Variants in SPEF2 observed in about 807,000 individuals in gnomAD.
The protein encoded by SPEF2 is sperm flagellar and cilia associated 2, also known as sperm flagella and cilia-associated protein 2.
A neutral mutation model predicts 224.6 loss-of-function variants in SPEF2; 187 were observed. The ratio of observed to expected loss-of-function variants is 0.83; its 90% CI spans 0.74 to 0.94. The LOEUF (loss-of-function observed/expected upper bound fraction) is 0.94, where lower values mean the gene tolerates loss of function less well. Among genes scored for constraint, SPEF2 ranks in the 40% least tolerant of loss-of-function variants. SPEF2 has a pLI of 0.00. For synonymous variants in SPEF2, 715 were observed against 707.3 expected (o/e 1.01, Z -0.17); for missense variants, 2,170 against 2,135.6 (o/e 1.02, Z -0.32).
intron 21 of SPEF2, 134 bp downstream of exon 21, chr5:35,727,957 T>A: frequency 1.1e-6 from 1 of 880,796 alleles, no homozygotes; most frequent in Non-Finnish European, 1.7e-6. Context: ...AGATTTTTTT[T>A]AGAGACTACT....
intron 20 of SPEF2, among the ~76,000 whole-genome samples, 193 bp from the exon 21 acceptor site, chr5:35,727,482 T>C (rs1447401705): frequency 6.6e-6 from 1 of 152,158 alleles, no homozygotes; most frequent in Non-Finnish European, 1.5e-5. Flanking sequence ...CTTTAAAACA[T>C]TTACTATTAT....
chr5:35,739,158 G>A (rs1382566764), intron 21 of SPEF2, among the ~76,000 whole-genome samples: 1 of 152,016 alleles, frequency 6.6e-6, no homozygotes, highest in African/African-American at 2.4e-5. Flanking sequence ...TTCATAATAT[G>A]TATTTTTCAT....
At chr5:35,749,592 C>T (rs1749089091) in intron 23 of SPEF2, among the ~76,000 whole-genome samples, 1 of 151,878 alleles carries the variant, frequency 6.6e-6, no homozygotes, top group Non-Finnish European at 1.5e-5. Context: ...AAGAACTCAA[C>T]CCCTTTTACC....
chr5:35,697,371 C>G (rs1755486000), intron 14 of SPEF2, among the ~76,000 whole-genome samples: 2 of 152,092 alleles, frequency 1.3e-5, no homozygotes, highest in African/African-American at 4.8e-5. Context: ...GAGGGCATGC[C>G]CCTGTCTGCA....
rs764294596 is a variant in SPEF2, at chr5:35,774,068, C to T, written c.4078+47C>T. The T allele has an allele frequency of 6.9e-6, 11 of 1,591,800 alleles. No homozygotes were observed. The South Asian group carries it at 1.3e-4, about 18-fold the overall frequency. On this transcript the variant is annotated intron_variant, in intron 28 of 36. Coordinates refer to ENST00000356031, the MANE Select transcript of SPEF2 (RefSeq NM_024867.4). The stretch of plus-strand genomic sequence containing the variant: ...ATGATGCTTTTCAGTAGAAAGGAGA[C>T]CAGTAGCCAAACAGCCCACAACTGG...
chr5:35,657,014 A>G (rs982288968), intron 7 of SPEF2, among the ~76,000 whole-genome samples: 16 of 152,244 alleles, frequency 1.1e-4, no homozygotes, highest in African/African-American at 3.9e-4. Flanking sequence ...TCTTATGTGT[A>G]CAATGGCTGG....
At chr5:35,753,163 GAC>G (rs767842477) in intron 23 of SPEF2, among the ~76,000 whole-genome samples, 3 of 151,842 alleles carry the variant, frequency 2.0e-5, no homozygotes, top group Non-Finnish European at 4.4e-5. Context: ...ATTAAACTCA[GAC>G]AACATTTTTT....
intron 10 of SPEF2, among the ~76,000 whole-genome samples, chr5:35,673,451 G>A (rs1751463431): frequency 6.6e-6 from 1 of 152,188 alleles, no homozygotes; most frequent in Non-Finnish European, 1.5e-5. Flanking sequence ...AAAATTTAGT[G>A]TTCATAAACT....
At chr5:35,776,773 T>C (rs1003373071) in intron 29 of SPEF2, among the ~76,000 whole-genome samples, 1 of 152,170 alleles carries the variant, frequency 6.6e-6, no homozygotes, top group Admixed American at 6.5e-5. Flanking sequence ...TCAGAGCCAA[T>C]TAAGGGGAGA....
Position 35,712,105 on chromosome 5 carries a change from A to G in SPEF2, c.2840-707A>G, listed in dbSNP as rs183283621. Among the ~76,000 whole-genome samples, 104 of 152,308 alleles carry G rather than the reference A, an allele frequency of 6.8e-4. No individual in the cohort carries two copies. The East Asian group carries it at 0.016, about 24-fold the overall frequency. On this transcript the variant is annotated intron_variant, in intron 19 of 36. Transcript: ENST00000356031. ...ATATACTCACATCATTCTTTGTATT[A>G]CAATTACAGTCAATGAAAAATGTAG... is the stretch of plus-strand genomic sequence containing the variant.
rs1320293453 is a variant in SPEF2 at position 35,759,606 on chromosome 5, TC to T, written c.3508del (p.Gln1170LysfsTer13). The T allele has an allele frequency of 6.2e-7, 1 of 1,610,608 alleles. No individual in the cohort carries two copies. Among genetic ancestry groups the T allele is most frequent in the Admixed American group, 1.7e-5 (1 of 59,910 alleles). Reference protein sequence around the residue: ...NRFQDTKRLLQDYYWGMESKI... With the variant: ...NRFQDTKRLLXDYYWGMESKI... ...GTTTCCAAGATACAAAGAGACTCCT[TC>T]AAGATTATTACTGGGGAATGGAAAG... On this transcript the variant is annotated frameshift_variant, in exon 25 of 37. Coordinates refer to ENST00000356031, the MANE Select transcript of SPEF2 (RefSeq NM_024867.4). LOFTEE classifies it high-confidence loss of function.
intron 23 of SPEF2, among the ~76,000 whole-genome samples, chr5:35,745,519 G>A (rs1748363593): frequency 6.7e-6 from 1 of 150,228 alleles, no homozygotes; most frequent in Admixed American, 6.7e-5. Flanking sequence ...GTTTGCATGG[G>A]AGCTGCGTGA....
chr5:35,778,227 C>T (rs1753863220), intron 29 of SPEF2, among the ~76,000 whole-genome samples: 1 of 152,148 alleles, frequency 6.6e-6, no homozygotes, highest in African/African-American at 2.4e-5. Context: ...ATCCTTTCTT[C>T]AATACAGCGA....
chr5:35,716,789 T>C (rs547015496), intron 20 of SPEF2, among the ~76,000 whole-genome samples: 10 of 152,204 alleles, frequency 6.6e-5, no homozygotes, highest in Non-Finnish European at 1.3e-4. Flanking sequence ...CCATTAATTG[T>C]TCATCTGTTT....
At chr5:35,708,459 G>C (rs1020805985) in intron 18 of SPEF2, among the ~76,000 whole-genome samples, 9 of 148,096 alleles carry the variant, frequency 6.1e-5, no homozygotes, top group Non-Finnish European at 1.3e-4. Flanking sequence ...TTTTACATTT[G>C]ACACCACTTG....
At chr5:35,641,126 G>A (rs1746571829) in intron 2 of SPEF2, among the ~76,000 whole-genome samples, 1 of 152,136 alleles carries the variant, frequency 6.6e-6, no homozygotes, top group African/African-American at 2.4e-5. Flanking sequence ...AGTATACTAG[G>A]AACAGTATAT....
intron 20 of SPEF2, among the ~76,000 whole-genome samples, chr5:35,725,066 T>G (rs933860767): frequency 6.6e-6 from 1 of 152,210 alleles, no homozygotes; most frequent in African/African-American, 2.4e-5. Context: ...TTTTTCAGAA[T>G]AGTTTTTCAA....
intron 1 of SPEF2, among the ~76,000 whole-genome samples, chr5:35,620,496 G>T (rs1200113074): frequency 1.3e-5 from 2 of 152,068 alleles, no homozygotes; most frequent in Non-Finnish European, 2.9e-5. Context: ...TAGCACTTTG[G>T]ACATAAATGC....
At chr5:35,807,537 T>G in intron 36 of SPEF2, 1 of 1,133,188 alleles carries the variant, frequency 8.8e-7, no homozygotes, top group Non-Finnish European at 1.3e-6. Flanking sequence ...AGCCTGTGAT[T>G]GAAGGGTTTG....
Sources: allele counts gnomAD v4.1 joint callset (sites outside exome capture counted in the v4.1 genomes callset), GRCh38; gene constraint gnomAD v4.1.1; transcripts MANE v1.5; gene names NCBI Gene and HGNC (gene_info 2026-07-23, HGNC 2026-07-21).